The following PGM5 variants were observed in gnomAD, a reference collection of about 807,000 sequenced individuals.
PGM5 encodes phosphoglucomutase-like protein 5.
PGM5 carries 23 observed loss-of-function variants against 59.2 expected under a neutral mutation model. That is an observed-to-expected ratio of 0.39 (90% confidence interval 0.28 to 0.55). The LOEUF is 0.55. PGM5 is among the 20% of genes least tolerant of loss of function. The pLI is 0.66. For synonymous variants in PGM5, 214 were observed against 286.0 expected, an observed-to-expected ratio of 0.75 and a Z score of 2.54; for missense variants, 574 against 748.3, an observed-to-expected ratio of 0.77 and a Z score of 2.72.
chr9:68,452,562 G>A (rs187006636), intron 6 of PGM5, among the ~76,000 whole-genome samples: 17 of 152,266 alleles, frequency 1.1e-4, no homozygotes, highest in African/African-American at 3.1e-4. Context: ...AGCACTGCAC[G>A]GGTGATCCTG....
At chr9:68,388,912 A>C (rs532490127) in intron 4 of PGM5, among the ~76,000 whole-genome samples, 4 of 151,896 alleles carry the variant, frequency 2.6e-5, no homozygotes, top group Admixed American at 2.6e-4. Flanking sequence ...TCTTTATTAT[A>C]TTGGACACCT....
intron 9 of PGM5, among the ~76,000 whole-genome samples, chr9:68,492,589 G>A (rs1348276535): frequency 6.6e-6 from 1 of 152,198 alleles, no homozygotes; most frequent in Non-Finnish European, 1.5e-5. Flanking sequence ...CAGCCTAATG[G>A]GGAAGGAGAA....
intron 1 of PGM5, among the ~76,000 whole-genome samples, chr9:68,366,369 A>G (rs1340972518): frequency 3.3e-5 from 5 of 152,278 alleles, no homozygotes; most frequent in African/African-American, 1.2e-4. Context: ...TAAAGGATAT[A>G]AATTTATATG....
In PGM5 at chr9:68,413,189, C is replaced by G. The variant is rs577999628; in HGVS notation, c.1043+20716C>G. ...GGAGTCATGTTCCTTCTATACCTGT[C>G]TGGCTATCTTCATTTCTTTCTATGT... On this transcript the variant is annotated intron_variant, in intron 6 of 10. Coordinates refer to ENST00000396396, the MANE Select transcript of PGM5 (RefSeq NM_021965.4). Among the ~76,000 whole-genome samples, 22 of 152,306 alleles carry G rather than the reference C, an allele frequency of 1.4e-4. No individual in the cohort carries two copies. In the South Asian group the frequency reaches 4.6e-3, roughly 32 times the overall value.
intron 10 of PGM5, among the ~76,000 whole-genome samples, chr9:68,506,600 T>C (rs1824658911): frequency 6.6e-6 from 1 of 152,218 alleles, no homozygotes; most frequent in African/African-American, 2.4e-5. Context: ...ATTATGAAAA[T>C]AATAATGTTC....
chr9:68,476,387 T>G (rs1824105031), intron 7 of PGM5, among the ~76,000 whole-genome samples: 2 of 152,210 alleles, frequency 1.3e-5, no homozygotes, highest in African/African-American at 2.4e-5. Context: ...ATATCCAGCC[T>G]ATTATCCCTG....
chr9:68,478,892 G>A (rs1486794692), intron 7 of PGM5, among the ~76,000 whole-genome samples: 1 of 152,172 alleles, frequency 6.6e-6, no homozygotes, highest in African/African-American at 2.4e-5. Context: ...GGAACCACCA[G>A]CCAACCTTAG....
intron 6 of PGM5, chr9:68,397,973 A>G (rs1822554642): frequency 6.6e-6 from 1 of 152,188 alleles, no homozygotes; most frequent in African/African-American, 2.4e-5. Context: ...TACTCAGCTG[A>G]TCGTTGGAAT....
intron 7 of PGM5, among the ~76,000 whole-genome samples, chr9:68,469,388 C>A (rs908520283): frequency 1.3e-5 from 2 of 152,046 alleles, no homozygotes; most frequent in Non-Finnish European, 2.9e-5. Flanking sequence ...TTAGTATGTA[C>A]CTTTTGTATG....
At chr9:68,466,088 A>T in intron 7 of PGM5, 1 of 1,235,200 alleles carries the variant, frequency 8.1e-7, no homozygotes, top group Non-Finnish European at 1.1e-6. Context: ...GTGTTAGATA[A>T]TTTGTGATGA....
rs555031311 is a variant in PGM5 at position 68,417,213 on chromosome 9, G to T, written c.1043+24740G>T. On this transcript the variant is annotated intron_variant, in intron 6 of 10. Coordinates refer to ENST00000396396, the MANE Select transcript of PGM5 (RefSeq NM_021965.4). ...ATTTTTAAGTTAGGTTTTGCAGAAG[G>T]TCCCATGAAACAGGGTTTCCTTGTC... Among the ~76,000 whole-genome samples the T allele has an allele frequency of 5.8e-4, 88 of 152,316 alleles. 1 individual carries two copies. The South Asian group carries it at 0.013, about 22-fold the overall frequency.
chr9:68,465,434 T>C (rs577770722), intron 7 of PGM5, among the ~76,000 whole-genome samples: 64 of 152,328 alleles, frequency 4.2e-4, no homozygotes, highest in Middle Eastern at 3.4e-3. Flanking sequence ...ATTATGGAAA[T>C]CTTTAAAGTG....
intron 10 of PGM5, among the ~76,000 whole-genome samples, chr9:68,527,651 G>A (rs778305433): frequency 4.0e-5 from 6 of 151,532 alleles, no homozygotes; most frequent in African/African-American, 1.2e-4. Flanking sequence ...CTGTTTTTAC[G>A]AATCAAGATG....
intron 7 of PGM5, among the ~76,000 whole-genome samples, chr9:68,475,281 C>T (rs1212116415): frequency 6.6e-6 from 1 of 151,106 alleles, no homozygotes; most frequent in Admixed American, 6.6e-5. Context: ...GTGATTCCCC[C>T]ACCTTGGCCT....
intron 6 of PGM5, chr9:68,406,218 C>T (rs1429233808): frequency 3.3e-5 from 5 of 152,074 alleles, no homozygotes; most frequent in Non-Finnish European, 5.9e-5. Flanking sequence ...CCTAACTTCT[C>T]AGGGTGTCTT....
chr9:68,393,867 C>A (rs1164521735), intron 6 of PGM5: 6 of 151,904 alleles, frequency 3.9e-5, no homozygotes, highest in African/African-American at 9.7e-5. Flanking sequence ...ATACAAATGT[C>A]CATCAACAGG....
At chr9:68,439,559 A>G (rs925655590) in intron 6 of PGM5, among the ~76,000 whole-genome samples, 1 of 147,312 alleles carries the variant, frequency 6.8e-6, no homozygotes, top group Non-Finnish European at 1.5e-5. Flanking sequence ...TTCTCAGAAG[A>G]TGATCAAACA....
intron 6 of PGM5, among the ~76,000 whole-genome samples, chr9:68,454,340 T>C (rs1373725654): frequency 6.6e-6 from 1 of 152,190 alleles, no homozygotes. Flanking sequence ...AAACAGTTCC[T>C]GTATTAAACT....
At position 68,376,833 on chromosome 9, in the gene PGM5, C is replaced by CTTTCTTTCTTTT. The variant is rs1461144548; in HGVS notation, c.262-1365_262-1364insTTCTTTCTTTTT. 5.9e-4 allele frequency among the ~76,000 whole-genome samples: 46 copies of CTTTCTTTCTTTT among 77,960 alleles called. 3 individuals carry two copies. Among genetic ancestry groups the CTTTCTTTCTTTT allele is most frequent in the African/African-American group, 2.2e-3 (41 of 18,480 alleles). The allele number at this position is 77,960 out of a possible 152,430, so 51.1% of individuals were successfully genotyped here. A position where few individuals can be genotyped will look rare whatever the true frequency, so the allele number is the denominator to read the frequency against. ...TCTTTCTTTCTTTCTTTCTTTCTTTCTCTTTCTTTCTTTCTTTCTCTTTCT... is the reference window on the plus strand; with the variant it reads ...TCTTTCTTTCTTTCTTTCTTTCTTTCTTTCTTTCTTTTTCTTTCTTTCTTTCTTTCTCTTTCT... On this transcript the variant is annotated intron_variant, in intron 1 of 10. Coordinates refer to ENST00000396396, the MANE Select transcript of PGM5 (RefSeq NM_021965.4).
Sources: gnomAD v4.1 joint callset for allele counts (sites outside exome capture counted in the v4.1 genomes callset) on GRCh38, gnomAD v4.1.1 for gene constraint, MANE v1.5 for transcripts, NCBI Gene and HGNC (gene_info 2026-07-23, HGNC 2026-07-21) for gene names.